The following IQSEC3 variants were observed in gnomAD, a reference collection of about 807,000 sequenced individuals.
IQSEC3 encodes IQ motif and SEC7 domain-containing protein 3.
IQSEC3 carries 50 observed loss-of-function variants against 105.4 expected under a neutral mutation model. That is an observed-to-expected ratio of 0.47 (90% confidence interval 0.38 to 0.60). The LOEUF is 0.60. IQSEC3 is among the 20% of genes least tolerant of loss of function. The pLI, the probability that IQSEC3 is intolerant of heterozygous loss-of-function variation, is 0.00. For missense variants in IQSEC3, 1,415 were observed against 1,630.0 expected (o/e 0.87, Z 2.27); for synonymous variants, 708 against 746.0 (o/e 0.95, Z 0.83).
chr12:128,744 C>T lies in IQSEC3; in HGVS notation c.903+2832C>T, dbSNP rs782454895. ...CAGGCCATCCTTCCTCTTGCCTGCACGCCGGGAGACCTCCTGTGCTTCCCC... is the reference window on the plus strand; with the variant it reads ...CAGGCCATCCTTCCTCTTGCCTGCATGCCGGGAGACCTCCTGTGCTTCCCC... On this transcript the variant is annotated intron_variant, in intron 3 of 13. Transcript: ENST00000538872. Among the ~76,000 whole-genome samples, 11 of 152,316 alleles carry T rather than the reference C, an allele frequency of 7.2e-5. No homozygotes were observed. In the Middle Eastern group the frequency reaches 0.014, roughly 188 times the overall value.
In IQSEC3 at chr12:154,639, G is replaced by C. The variant is rs548023452; in HGVS notation, c.2154-2386G>C. Among the ~76,000 whole-genome samples, 3 of 152,232 alleles carry C rather than the reference G, an allele frequency of 2.0e-5. No individual in the cohort carries two copies. In the East Asian group the frequency reaches 5.8e-4, roughly 30 times the overall value. On this transcript the variant is annotated intron_variant, in intron 5 of 13. Coordinates refer to ENST00000538872, the MANE Select transcript of IQSEC3 (RefSeq NM_001170738.2). The stretch of plus-strand genomic sequence containing the variant: ...CCCCTGGGCTGAGAGGGTGGCATCT[G>C]GCCGCTCCATGCCGCCCCCACCACA...
chr12:130,564 C>A (rs1309895458), intron 3 of IQSEC3, among the ~76,000 whole-genome samples: 1 of 152,172 alleles, frequency 6.6e-6, no homozygotes, highest in East Asian at 1.9e-4. Context: ...GCAGCCCAAC[C>A]TGGGATCAGA....
intron 9 of IQSEC3, 22 bp downstream of exon 9, chr12:163,641 ACTGGG>A: frequency 1.2e-5 from 16 of 1,347,570 alleles, no homozygotes; most frequent in Non-Finnish European, 1.7e-5. Flanking sequence ...CCGCTCCGGG[ACTGGG>A]CTGGGCTGGG....
chr12:112,205 C>A (rs543013606), intron 2 of IQSEC3, among the ~76,000 whole-genome samples: 1 of 144,618 alleles, frequency 6.9e-6, no homozygotes, highest in African/African-American at 2.6e-5. Flanking sequence ...CTGATAAGAA[C>A]AAACAAAATG....
At chr12:77,826 A>C (rs1863598317) in intron 1 of IQSEC3, 1 of 183,528 alleles carries the variant, frequency 5.4e-6, no homozygotes, top group Non-Finnish European at 1.0e-5. Flanking sequence ...AGCCTGGGGA[A>C]AGCCTTTCCG....
chr12:83,929 T>C (rs1221094036), intron 1 of IQSEC3, among the ~76,000 whole-genome samples: 4 of 152,182 alleles, frequency 2.6e-5, no homozygotes, highest in African/African-American at 9.7e-5. Flanking sequence ...TTTATCCACA[T>C]GGTACTGACG....
Position 138,398 on chromosome 12 carries a change from C to T in IQSEC3, c.1035C>T (p.Ser345=). ...AAATCCGCAACTCGCTTCTGGAGAGCCGCCTGCCACGGCGGATCTCCCTGC... is the reference window on the plus strand; with the variant it reads ...AAATCCGCAACTCGCTTCTGGAGAGTCGCCTGCCACGGCGGATCTCCCTGC... ...FEKIRNSLLE[S]RLPRRISLRK... is the part of the protein sequence containing the mutation. The change falls in exon 4 of 14, where the codon AGC becomes AGT. Residue 345 remains serine, a synonymous_variant. Coordinates refer to ENST00000538872, the MANE Select transcript of IQSEC3 (RefSeq NM_001170738.2). The surrounding 1 kb of genome is among the most constrained non-coding windows in gnomAD (Gnocchi z 7.1). 1 of 1,610,168 alleles carries T rather than the reference C, an allele frequency of 6.2e-7. No homozygotes were observed.
At chr12:159,698 T>G (rs142820890) in intron 7 of IQSEC3, among the ~76,000 whole-genome samples, 2 of 152,344 alleles carry the variant, frequency 1.3e-5, no homozygotes, top group East Asian at 3.9e-4. Context: ...CGATGATGCA[T>G]CTTGCTACAG....
chr12:102,752 C>T (rs1357650872), intron 2 of IQSEC3, among the ~76,000 whole-genome samples: 1 of 152,220 alleles, frequency 6.6e-6, no homozygotes, highest in Non-Finnish European at 1.5e-5. Flanking sequence ...GGAGTGGGAA[C>T]ACCTGAAATT....
intron 2 of IQSEC3, among the ~76,000 whole-genome samples, chr12:99,636 C>A (rs1455762783): frequency 9.9e-5 from 15 of 152,242 alleles, no homozygotes; most frequent in African/African-American, 3.6e-4. Context: ...TTTCTGGTTT[C>A]TCTTCTTCCA....
At position 138,493 on chromosome 12, in the gene IQSEC3, T is replaced by G; in HGVS notation, c.1130T>G (p.Val377Gly). Residue 377 changes from valine to glycine, a missense_variant, in exon 4 of 14, where the codon GTG becomes GGG. Physicochemically the swap from Val to Gly is moderately radical, Grantham distance 109. Transcript: ENST00000538872. The surrounding 1 kb of genome is among the most constrained non-coding windows in gnomAD (Gnocchi z 7.1). ...EKALMEGYGLVGLPLVRSPSL... is the reference protein window; with the variant it reads ...EKALMEGYGLGGLPLVRSPSL... Reference sequence around the variant, plus strand: ...GCGCTCATGGAGGGCTACGGCCTCGTGGGGCTGCCGCTGGTGCGCTCGCCC... The same window carrying G: ...GCGCTCATGGAGGGCTACGGCCTCGGGGGGCTGCCGCTGGTGCGCTCGCCC... The G allele has an allele frequency of 6.3e-7, 1 of 1,588,844 alleles. No homozygotes were observed. Among genetic ancestry groups the G allele is most frequent in the South Asian group, 1.1e-5 (1 of 89,380 alleles).
intron 13 of IQSEC3, among the ~76,000 whole-genome samples, chr12:172,012 G>T (rs1381143309): frequency 6.6e-6 from 1 of 152,002 alleles, no homozygotes; most frequent in African/African-American, 2.4e-5. Context: ...GGGTCCTCTT[G>T]CACCCCAGTG....
intron 1 of IQSEC3, among the ~76,000 whole-genome samples, chr12:68,973 C>A (rs1406416239): frequency 1.3e-5 from 2 of 152,094 alleles, no homozygotes; most frequent in Admixed American, 1.3e-4. Flanking sequence ...CTCAGTTTCA[C>A]ATTTTTATTT....
Position 138,244 on chromosome 12 carries a change from C to T in IQSEC3, c.904-23C>T, listed in dbSNP as rs377395604. On this transcript the variant is annotated intron_variant, in intron 3 of 13. Coordinates refer to ENST00000538872, the MANE Select transcript of IQSEC3 (RefSeq NM_001170738.2). This position sits in a 1 kb window ranked among gnomAD's most constrained non-coding sequence, Gnocchi z 7.1. ...CACCCTTCCCCTCTGAGCCCTTCCT[C>T]CTCTCTGTCCTCGTCCTTGCAGATT... 6 of 1,586,202 alleles carry T rather than the reference C, an allele frequency of 3.8e-6. No individual in the cohort carries two copies. In the African/African-American group the frequency reaches 5.4e-5, roughly 14 times the overall value.
intron 5 of IQSEC3, among the ~76,000 whole-genome samples, chr12:151,527 C>G (rs150298746): frequency 3.3e-5 from 5 of 152,196 alleles, no homozygotes; most frequent in Non-Finnish European, 7.3e-5. Flanking sequence ...CCTAACTGGG[C>G]CCCTGCTTCT....
Position 174,740 on chromosome 12 carries a change from C to A in IQSEC3, c.3256C>A (p.Pro1086Thr), listed in dbSNP as rs1393518272. The stretch of plus-strand genomic sequence containing the variant: ...ACCACTGCCGCCGCCGCCACCCACG[C>A]CCCCGGGCACCCTGGTGCAGTGCCA... ...TPPLPPPPPT[P>T]PGTLVQCQQI... Residue 1086 changes from proline (P) to threonine (T), a missense_variant, in exon 14 of 14, where the codon CCC (proline) becomes ACC (threonine). Physicochemically the swap from Pro to Thr is conservative, Grantham distance 38. Around this residue, in one of 6 missense-constraint regions of IQSEC3, gnomAD observed 419 missense variants for 436.2 expected, o/e 0.96. Coordinates refer to ENST00000538872, the MANE Select transcript of IQSEC3 (RefSeq NM_001170738.2). The A allele has an allele frequency of 6.3e-7, 1 of 1,592,310 alleles. No homozygotes were observed. Among genetic ancestry groups the A allele is most frequent in the East Asian group, 2.2e-5 (1 of 44,752 alleles).
At chr12:106,055 G>C (rs1555077816) in intron 2 of IQSEC3, among the ~76,000 whole-genome samples, 1 of 152,226 alleles carries the variant, frequency 6.6e-6, no homozygotes, top group African/African-American at 2.4e-5. Flanking sequence ...CCATGAGAGA[G>C]AGGAAGCAAA....
In IQSEC3 at chr12:152,955, A is replaced by G. The variant is rs1215794652; in HGVS notation, c.2154-4070A>G. On this transcript the variant is annotated intron_variant, in intron 5 of 13. Transcript: ENST00000538872. The surrounding 1 kb of genome is among the most constrained non-coding windows in gnomAD (Gnocchi z 4.8). ...GGCCACCCTGGGTGGAGGCTGCAGC[A>G]TGGATTTGGTAAACTGCCCACACTC... Among the ~76,000 whole-genome samples, 1 of 152,170 alleles carries G rather than the reference A, an allele frequency of 6.6e-6. No homozygotes were observed. Among genetic ancestry groups the G allele is most frequent in the African/African-American group, 2.4e-5 (1 of 41,434 alleles).
At chr12:127,864 AG>A (rs1440969003) in intron 3 of IQSEC3, among the ~76,000 whole-genome samples, 3 of 152,146 alleles carry the variant, frequency 2.0e-5, no homozygotes, top group African/African-American at 7.2e-5. Context: ...TTTGCTGTGC[AG>A]GAGCTCTTTA....
Sources: gnomAD v4.1 joint callset for allele counts (sites outside exome capture counted in the v4.1 genomes callset) on GRCh38, gnomAD v4.1.1 for gene constraint, gnomAD v4.1.1 regional missense constraint, Gnocchi (gnomAD v3.1) non-coding constraint, MANE v1.5 for transcripts, NCBI Gene and HGNC (gene_info 2026-07-23, HGNC 2026-07-21) for gene names.